TXNDC8: variants seen among roughly 807,000 people sequenced by gnomAD.
The protein encoded by TXNDC8 is thioredoxin domain-containing protein 8.
TXNDC8 carries 15 observed loss-of-function variants against 12.9 expected under a neutral mutation model. The ratio of observed to expected loss-of-function variants is 1.16; its 90% CI spans 0.78 to 1.79. The LOEUF (loss-of-function observed/expected upper bound fraction) is 1.79. TXNDC8 is among the 40% of genes most tolerant of loss of function. The pLI, the probability that TXNDC8 is intolerant of heterozygous loss-of-function variation, is 0.00. For missense variants in TXNDC8, 128 were observed against 113.2 expected (o/e 1.13, Z -0.59); for synonymous variants, 40 against 35.4 (o/e 1.13, Z -0.46).
intron 3 of TXNDC8, among the ~76,000 whole-genome samples, chr9:110,320,063 CA>C (rs1175012208): frequency 6.6e-6 from 1 of 152,188 alleles, no homozygotes; most frequent in East Asian, 1.9e-4. Flanking sequence ...AGTGCTTTGG[CA>C]AACTATTTTA....
At chr9:110,318,245 C>A (rs1425133875) in intron 3 of TXNDC8, among the ~76,000 whole-genome samples, 1 of 152,218 alleles carries the variant, frequency 6.6e-6, no homozygotes, top group African/African-American at 2.4e-5. Flanking sequence ...CTCTGCTGGA[C>A]CTTTCTGGAC....
chr9:110,326,435 A>C (rs949064505), intron 2 of TXNDC8, among the ~76,000 whole-genome samples, 195 bp from the exon 4 acceptor site: 1 of 152,224 alleles, frequency 6.6e-6, no homozygotes, highest in African/African-American at 2.4e-5. Flanking sequence ...TGATTGATAG[A>C]AAATGATCGT....
At chr9:110,307,581 T>C (rs530004098) in intron 3 of TXNDC8, among the ~76,000 whole-genome samples, 2 of 152,270 alleles carry the variant, frequency 1.3e-5, no homozygotes, top group African/African-American at 2.4e-5. Flanking sequence ...TAAATAAATC[T>C]TGGGGTCCCC....
rs1405752252 is a variant in TXNDC8 at position 110,334,097 on chromosome 9, C to CA, written c.129+118dup. On this transcript the variant is annotated intron_variant, in intron 2 of 4. Coordinates refer to ENST00000423740, the MANE Select transcript of TXNDC8 (RefSeq NM_001286946.2). The stretch of plus-strand genomic sequence containing the variant: ...TTATCTTCAGTTAATCAGGGTGCTT[C>CA]AAAAATCTATGGCTCCAGAATGGCT... 1.2e-5 allele frequency: 9 copies of CA among 747,904 alleles called. No individual in the cohort carries two copies. In the East Asian group the frequency reaches 2.5e-4, roughly 21 times the overall value. 46.3% of individuals were successfully genotyped at this position (747,904 alleles called of 1,614,324 possible). A position where few individuals can be genotyped will look rare whatever the true frequency, so the allele number is the denominator to read the frequency against.
At chr9:110,312,292 C>T (rs373603278) in intron 3 of TXNDC8, among the ~76,000 whole-genome samples, 1 of 152,304 alleles carries the variant, frequency 6.6e-6, no homozygotes, top group South Asian at 2.1e-4. Flanking sequence ...GGCATAAGTG[C>T]AATAAGAACC....
rs75449869 is a variant in TXNDC8 at position 110,320,603 on chromosome 9, G to A, written c.195+5572C>T. The stretch of plus-strand genomic sequence containing the variant: ...GGGGATCCACTGATAGGCTTCAGAC[G>A]GTCACTGAATATCCTAGTATTATCT... On this transcript the variant is annotated intron_variant, in intron 3 of 4. Coordinates refer to ENST00000423740, the MANE Select transcript of TXNDC8 (RefSeq NM_001286946.2). Among the ~76,000 whole-genome samples, 9 of 152,300 alleles carry A rather than the reference G, an allele frequency of 5.9e-5. No individual in the cohort carries two copies. The East Asian group carries it at 1.3e-3, about 23-fold the overall frequency.
At chr9:110,318,036 T>G (rs17204340) in intron 3 of TXNDC8, among the ~76,000 whole-genome samples, 11,828 of 152,248 alleles carry the variant, frequency 0.078, 912 homozygotes, top group East Asian at 0.4. Context: ...GGTTCTGAGT[T>G]TCTATTGCCA....
intron 4 of TXNDC8, among the ~76,000 whole-genome samples, chr9:110,304,054 C>G (rs1043646465): frequency 4.6e-5 from 7 of 152,172 alleles, no homozygotes; most frequent in Admixed American, 3.9e-4. Context: ...GTTTACATCT[C>G]TGAATCAGAA....
At chr9:110,322,897 C>G (rs534504346) in intron 3 of TXNDC8, 1 of 985,302 alleles carries the variant, frequency 1.0e-6, no homozygotes, top group African/African-American at 1.7e-5. Context: ...AGTCACTGAG[C>G]TTTCAAATCA....
chr9:110,317,080 T>C (rs934588357), intron 3 of TXNDC8, among the ~76,000 whole-genome samples: 1 of 152,222 alleles, frequency 6.6e-6, no homozygotes, highest in Non-Finnish European at 1.5e-5. Flanking sequence ...GTCAGTACAA[T>C]GTGGCTTTCT....
chr9:110,308,933 A>G (rs1054155941), intron 3 of TXNDC8, among the ~76,000 whole-genome samples: 1 of 152,226 alleles, frequency 6.6e-6, no homozygotes, highest in African/African-American at 2.4e-5. Flanking sequence ...TGTAGATACC[A>G]GAGATGACCT....
intron 4 of TXNDC8, 89 bp downstream of exon 5, chr9:110,304,378 A>G (rs1838344589): frequency 8.4e-7 from 1 of 1,195,578 alleles, no homozygotes; most frequent in East Asian, 2.5e-5. Context: ...TTCTCCAGGC[A>G]GCAGCATTCT....
Position 110,337,823 on chromosome 9 carries a change from A to G in TXNDC8, c.-27T>C. 6.2e-7 allele frequency: 1 copy of G among 1,613,176 alleles called. No homozygotes were observed. Among genetic ancestry groups the G allele is most frequent in the Non-Finnish European group, 8.5e-7 (1 of 1,179,428 alleles). ...ATTACACCAGGGAAGTGCTGATGAA[A>G]ATCCCCTGTTGGTTTAGTTGGATCA... is the stretch of plus-strand genomic sequence containing the variant. On this transcript the variant is annotated 5_prime_UTR_variant, in exon 1 of 5. Coordinates refer to ENST00000423740, the MANE Select transcript of TXNDC8 (RefSeq NM_001286946.2).
rs760735130 is a variant in TXNDC8, at chr9:110,334,272, C to A, written c.73G>T (p.Val25Phe). The change falls in exon 2 of 5, where the codon GTT becomes TTT. Residue 25 changes from valine to phenylalanine, a missense_variant. By Grantham distance (50) the Val-to-Phe change is conservative. Transcript: ENST00000423740. ...CCACACCGTTTCGAAGAAAATTGAA[C>A]CACTGCGAGTTTGTGTCCGGCAGCT... The A allele has an allele frequency of 1.2e-6, 2 of 1,613,900 alleles. No individual in the cohort carries two copies. The highest frequency in any genetic ancestry group is 2.2e-5 in the South Asian group (2 of 91,076).
chr9:110,324,151 A>G, intron 3 of TXNDC8: 1 of 1,063,518 alleles, frequency 9.4e-7, no homozygotes, highest in Non-Finnish European at 1.3e-6. Context: ...AGAGGCCTGA[A>G]GCAGAAGGTA....
intron 2 of TXNDC8, among the ~76,000 whole-genome samples, chr9:110,332,337 TC>T (rs770387462): frequency 6.6e-6 from 1 of 152,228 alleles, no homozygotes; most frequent in African/African-American, 2.4e-5. Context: ...ATTACAGGCA[TC>T]AGCCACCATG....
chr9:110,331,366 A>G (rs1258745486), intron 2 of TXNDC8, among the ~76,000 whole-genome samples: 1 of 152,088 alleles, frequency 6.6e-6, no homozygotes, highest in Non-Finnish European at 1.5e-5. Flanking sequence ...TTAACTCCCA[A>G]TCATGGCCTC....
intron 2 of TXNDC8, among the ~76,000 whole-genome samples, chr9:110,332,221 C>T (rs925529071): frequency 6.6e-6 from 1 of 152,072 alleles, no homozygotes; most frequent in Non-Finnish European, 1.5e-5. Flanking sequence ...GAATATTCTT[C>T]ATTTTTTATT....
chr9:110,325,741 T>G (rs2900507), intron 3 of TXNDC8, among the ~76,000 whole-genome samples: 21,549 of 152,094 alleles, frequency 0.14, 1,870 homozygotes, highest in African/African-American at 0.25. Context: ...GGATGGTCTC[T>G]ATCTCGTGAC....
Sources: gnomAD v4.1 joint callset for allele counts (sites outside exome capture counted in the v4.1 genomes callset) on GRCh38, gnomAD v4.1.1 for gene constraint, MANE v1.5 for transcripts, NCBI Gene and HGNC (gene_info 2026-07-23, HGNC 2026-07-21) for gene names.